Variants in AKAP7 observed in about 807,000 individuals in gnomAD.
AKAP7 encodes the protein A-kinase anchoring protein 7.
In AKAP7, 39 loss-of-function variants were observed where a neutral mutation model predicts 39.5. The ratio of observed to expected loss-of-function variants is 0.99; its 90% confidence interval spans 0.76 to 1.29. The LOEUF (loss-of-function observed/expected upper bound fraction) is 1.29, where lower values mean the gene tolerates loss of function less well. Among genes scored for constraint, AKAP7 ranks in the 50% most tolerant of loss-of-function variants. AKAP7 has a pLI of 0.00. For synonymous variants in AKAP7, 140 were observed against 139.1 expected, an observed-to-expected ratio of 1.01 and a Z score of -0.05; for missense variants, 414 against 407.7, an observed-to-expected ratio of 1.02 and a Z score of -0.13.
intron 1 of AKAP7, among the ~76,000 whole-genome samples, chr6:131,144,405 A>G (rs1801313004): frequency 6.6e-6 from 1 of 152,242 alleles, no homozygotes; most frequent in African/African-American, 2.4e-5. Context: ...AATGAATTAA[A>G]GGACTTCTTA....
chr6:131,235,687 T>G (rs1268303914), intron 7 of AKAP7, among the ~76,000 whole-genome samples: 4 of 152,230 alleles, frequency 2.6e-5, no homozygotes, highest in Non-Finnish European at 4.4e-5. Flanking sequence ...TCATGTGTCT[T>G]TTGGCTGCAT....
chr6:131,250,508 A>C, intron 7 of AKAP7: 2 of 1,612,898 alleles, frequency 1.2e-6, no homozygotes, highest in Non-Finnish European at 1.7e-6. Flanking sequence ...TATAAACTGC[A>C]ATTTCTATTT....
At chr6:131,214,253 G>T (rs1808943095) in intron 6 of AKAP7, among the ~76,000 whole-genome samples, 1 of 152,164 alleles carries the variant, frequency 6.6e-6, no homozygotes, top group Admixed American at 6.5e-5. Context: ...TAGCAGCTCT[G>T]TTTCTACCTA....
chr6:131,136,947 T>C (rs921806204), intron 1 of AKAP7: 3 of 755,448 alleles, frequency 4.0e-6, no homozygotes, highest in South Asian at 6.0e-5. Context: ...TATGTACTTA[T>C]GTATGTATGT....
intron 5 of AKAP7, among the ~76,000 whole-genome samples, chr6:131,195,388 A>G (rs1251710290): frequency 6.6e-6 from 1 of 152,140 alleles, no homozygotes; most frequent in East Asian, 1.9e-4. Context: ...TTATAGAACT[A>G]TGTCTTGAAG....
chr6:131,169,983 C>A (rs1188431802), intron 5 of AKAP7, among the ~76,000 whole-genome samples: 1 of 151,578 alleles, frequency 6.6e-6, no homozygotes, highest in Non-Finnish European at 1.5e-5. Flanking sequence ...TTCTCTGCCC[C>A]CTCTTTCCTC....
At chr6:131,128,866 T>G in the AKAP7 span, among the ~76,000 whole-genome samples, 1 of 151,222 alleles carries the variant, frequency 6.6e-6, no homozygotes, top group Non-Finnish European at 1.5e-5. Context: ...TTAAACTAAT[T>G]ACAGAAAAAT....
rs529434655 is a variant in AKAP7 at position 131,240,640 on chromosome 6, G to A, written c.850+20832G>A. ...CCTTCCCCAGCCTTGCTGCCACCTT[G>A]CAGTTTGATCTCAGACTGCTGTGCT... On this transcript the variant is annotated intron_variant, in intron 7 of 7. Coordinates refer to ENST00000431975, the MANE Select transcript of AKAP7 (RefSeq NM_016377.4). Among the ~76,000 whole-genome samples, 7 of 152,310 alleles carry A rather than the reference G, an allele frequency of 4.6e-5. No individual in the cohort carries two copies. The South Asian group carries it at 1.2e-3, about 27-fold the overall frequency.
chr6:131,260,994 T>C (rs9492886), intron 7 of AKAP7, among the ~76,000 whole-genome samples: 77,558 of 151,872 alleles, frequency 0.51, 20,182 homozygotes, highest in African/African-American at 0.59. Flanking sequence ...GTTGGGAGTT[T>C]GAGACCAGCC....
At chr6:131,142,892 G>A (rs189115003) in intron 1 of AKAP7, among the ~76,000 whole-genome samples, 2 of 152,376 alleles carry the variant, frequency 1.3e-5, no homozygotes, top group East Asian at 1.9e-4. Context: ...TGCCCTGGAT[G>A]TGGGACATGG....
intron 5 of AKAP7, among the ~76,000 whole-genome samples, chr6:131,191,752 G>A (rs991706404): frequency 6.6e-6 from 1 of 151,988 alleles, no homozygotes; most frequent in African/African-American, 2.4e-5. Flanking sequence ...TGGGGTGCTG[G>A]TACTGGACCT....
chr6:131,181,488 G>A lies in AKAP7; in HGVS notation c.589+12215G>A, dbSNP rs17060099. 0.014 allele frequency among the ~76,000 whole-genome samples: 2,162 copies of A among 152,256 alleles called. 145 individuals carry two copies. The East Asian group carries it at 0.18, about 12-fold the overall frequency. ...TACTGCAATAGTCTCCTGGTCTACA[G>A]TCTGCCGCTTTGCTTCCAGACTCTT... On this transcript the variant is annotated intron_variant, in intron 5 of 7. Coordinates refer to ENST00000431975, the MANE Select transcript of AKAP7 (RefSeq NM_016377.4).
At chr6:131,169,321 A>T in intron 5 of AKAP7, 48 bp downstream of exon 5, 2 of 1,586,208 alleles carry the variant, frequency 1.3e-6, no homozygotes, top group Non-Finnish European at 1.7e-6. Context: ...TGGAGAAGCA[A>T]TTTTTTTCAA....
chr6:131,202,854 G>C (rs562357809), intron 6 of AKAP7, among the ~76,000 whole-genome samples: 19 of 152,108 alleles, frequency 1.2e-4, no homozygotes, highest in Non-Finnish European at 2.8e-4. Flanking sequence ...TATGGAATGA[G>C]TCTATTCCTA....
intron 7 of AKAP7, among the ~76,000 whole-genome samples, chr6:131,236,002 T>C (rs1440143977): frequency 3.3e-5 from 5 of 152,354 alleles, no homozygotes; most frequent in Middle Eastern, 3.4e-3. Context: ...TGAATGGTAT[T>C]GCCTACGTTT....
intron 7 of AKAP7, among the ~76,000 whole-genome samples, chr6:131,251,466 A>C (rs778110203): frequency 6.6e-6 from 1 of 152,180 alleles, no homozygotes. Flanking sequence ...ATTCTAATTT[A>C]AATAGGTCCA....
chr6:131,145,152 A>G (rs962922855), intron 1 of AKAP7, 133 bp from the exon 2 acceptor site: 1 of 525,150 alleles, frequency 1.9e-6, no homozygotes, highest in Non-Finnish European at 2.9e-6. Context: ...GATATATTTG[A>G]ACACAAGTAG....
intron 5 of AKAP7, among the ~76,000 whole-genome samples, chr6:131,175,928 G>A (rs530512855): frequency 2.6e-4 from 40 of 152,042 alleles, no homozygotes; most frequent in African/African-American, 8.9e-4. Context: ...AAATACACAG[G>A]TTTACATGTT....
Position 131,180,806 on chromosome 6 carries a change from G to A in AKAP7, c.589+11533G>A, listed in dbSNP as rs1805120391. Among the ~76,000 whole-genome samples, 3 of 146,186 alleles carry A rather than the reference G, an allele frequency of 2.1e-5. No individual in the cohort carries two copies. In the Admixed American group the frequency reaches 2.1e-4, roughly 10 times the overall value. On this transcript the variant is annotated intron_variant, in intron 5 of 7. Coordinates refer to ENST00000431975, the MANE Select transcript of AKAP7 (RefSeq NM_016377.4). ...TTTAAATTCTCCTTTTGGTTTCTGAGACACCACTTTCTTTTTTTGTTTGTT... is the reference window on the plus strand; with the variant it reads ...TTTAAATTCTCCTTTTGGTTTCTGAAACACCACTTTCTTTTTTTGTTTGTT...
Sources: allele counts gnomAD v4.1 joint callset (sites outside exome capture counted in the v4.1 genomes callset), GRCh38; gene constraint gnomAD v4.1.1; transcripts MANE v1.5; gene names NCBI Gene and HGNC (gene_info 2026-07-23, HGNC 2026-07-21).